MSRA: variants seen among roughly 807,000 people sequenced by gnomAD.
MSRA encodes methionine sulfoxide reductase A.
Under a neutral mutation model 31.3 loss-of-function variants are expected in MSRA, and 54 were observed. That is an observed-to-expected ratio of 1.73 (90% confidence interval 1.39 to 2.17). The LOEUF is 2.17. MSRA is among the 30% of genes most tolerant of loss of function. The pLI is 0.00. For synonymous variants in MSRA, 169 were observed against 116.5 expected (o/e 1.45, Z -2.90); for missense variants, 507 against 300.9 (o/e 1.69, Z -5.07).
rs111950206 is a variant in MSRA at position 10,320,068 on chromosome 8, C to A, written c.543+79C>A. 2.5e-5 allele frequency: 21 copies of A among 840,862 alleles called. No individual in the cohort carries two copies. The African/African-American group carries it at 2.8e-4, about 11-fold the overall frequency. The allele number at this position is 840,862 out of a possible 1,614,324, so 52.1% of individuals were successfully genotyped here. A position where few individuals can be genotyped will look rare whatever the true frequency, so the allele number is the denominator to read the frequency against. On this transcript the variant is annotated intron_variant, in intron 5 of 5. Transcript: ENST00000317173. ...GGTTCTGATTTTAGAGGGCAGTCTG[C>A]TGCTTTTCAACTGGAATTGTGTTTT...
rs187484535 is a variant in MSRA, at chr8:10,115,627, C to T, written c.142+60969C>T. On this transcript the variant is annotated intron_variant, in intron 1 of 5. Transcript: ENST00000317173. ...TGGAGAGAGTGGTCAGAACCAGTGG[C>T]GCTTTCTAAAAGATTGATGCCATGA... Among the ~76,000 whole-genome samples, 19 of 152,244 alleles carry T rather than the reference C, an allele frequency of 1.2e-4. No homozygotes were observed. The East Asian group carries it at 2.7e-3, about 22-fold the overall frequency.
At chr8:10,362,733 C>G (rs913424566) in intron 5 of MSRA, among the ~76,000 whole-genome samples, 1 of 152,082 alleles carries the variant, frequency 6.6e-6, no homozygotes, top group African/African-American at 2.4e-5. Context: ...GCTGAAAAAT[C>G]AAGCTCGAGC....
At chr8:10,094,929 C>G (rs1043531361) in intron 1 of MSRA, among the ~76,000 whole-genome samples, 1 of 152,118 alleles carries the variant, frequency 6.6e-6, no homozygotes, top group Non-Finnish European at 1.5e-5. Context: ...TTTGTTTTAT[C>G]AAAAGAACTC....
chr8:10,399,252 A>C (rs535756473), intron 5 of MSRA, among the ~76,000 whole-genome samples: 1 of 152,324 alleles, frequency 6.6e-6, no homozygotes, highest in Non-Finnish European at 1.5e-5. Context: ...GGAGAAATGG[A>C]CAAGAGAGCA....
chr8:10,208,706 C>G (rs182504375), intron 2 of MSRA, among the ~76,000 whole-genome samples: 6 of 152,266 alleles, frequency 3.9e-5, no homozygotes, highest in Non-Finnish European at 7.4e-5. Context: ...GGAATTTCAA[C>G]TGGGCATTCA....
chr8:10,163,791 C>G lies in MSRA; in HGVS notation c.143-44042C>G, dbSNP rs770544767. 3.9e-5 allele frequency among the ~76,000 whole-genome samples: 6 copies of G among 152,358 alleles called. No individual in the cohort carries two copies. The South Asian group carries it at 8.3e-4, about 21-fold the overall frequency. On this transcript the variant is annotated intron_variant, in intron 1 of 5. Coordinates refer to ENST00000317173, the MANE Select transcript of MSRA (RefSeq NM_012331.5). Reference sequence around the variant, plus strand: ...GGGGTAAGACCCTCCAAGGGGGCCACAGGCCCTACCCAGATGGACACCGCA... The same window carrying G: ...GGGGTAAGACCCTCCAAGGGGGCCAGAGGCCCTACCCAGATGGACACCGCA...
chr8:10,146,803 G>A (rs555861893), intron 1 of MSRA, among the ~76,000 whole-genome samples: 2 of 152,314 alleles, frequency 1.3e-5, no homozygotes, highest in Admixed American at 6.5e-5. Flanking sequence ...TGGAGCAGAC[G>A]CTGGACATAG....
At chr8:10,365,324 A>G (rs1263478176) in intron 5 of MSRA, among the ~76,000 whole-genome samples, 1 of 152,022 alleles carries the variant, frequency 6.6e-6, no homozygotes, top group African/African-American at 2.4e-5. Context: ...GCTGCTCTGA[A>G]CTTCCAACAT....
At chr8:10,381,035 G>T (rs1806038365) in intron 5 of MSRA, among the ~76,000 whole-genome samples, 1 of 151,932 alleles carries the variant, frequency 6.6e-6, no homozygotes, top group Non-Finnish European at 1.5e-5. Context: ...TGGATGGATG[G>T]ATAAATGATG....
chr8:10,232,122 G>C (rs1351923791), intron 2 of MSRA, among the ~76,000 whole-genome samples: 1 of 152,120 alleles, frequency 6.6e-6, no homozygotes, highest in Non-Finnish European at 1.5e-5. Context: ...GGCTGCCCTG[G>C]AAATTGTTGT....
chr8:10,149,191 G>A (rs1359280972), intron 1 of MSRA, among the ~76,000 whole-genome samples: 3 of 151,574 alleles, frequency 2.0e-5, no homozygotes, highest in Non-Finnish European at 2.9e-5. Flanking sequence ...GCACAGTCTC[G>A]GCTCACTGCA....
intron 1 of MSRA, among the ~76,000 whole-genome samples, chr8:10,200,378 G>T (rs997157017): frequency 1.3e-5 from 2 of 152,206 alleles, no homozygotes; most frequent in Non-Finnish European, 2.9e-5. Flanking sequence ...TGGTCACCAT[G>T]GGGGAGAGCA....
intron 5 of MSRA, among the ~76,000 whole-genome samples, chr8:10,408,398 C>T (rs1056282233): frequency 5.6e-4 from 85 of 152,086 alleles, no homozygotes; most frequent in African/African-American, 2.0e-3. Flanking sequence ...AAAAATTAGC[C>T]AGGCATGGTG....
intron 5 of MSRA, among the ~76,000 whole-genome samples, chr8:10,349,048 G>C (rs1195835653): frequency 1.3e-5 from 2 of 152,112 alleles, no homozygotes; most frequent in Admixed American, 1.3e-4. Flanking sequence ...GGAATAAAAA[G>C]AATGCCGACA....
At chr8:10,364,662 G>A (rs1805053885) in intron 5 of MSRA, among the ~76,000 whole-genome samples, 1 of 152,252 alleles carries the variant, frequency 6.6e-6, no homozygotes, top group Non-Finnish European at 1.5e-5. Context: ...TTCTTGAAAA[G>A]CATTGTGTAT....
intron 1 of MSRA, among the ~76,000 whole-genome samples, chr8:10,129,055 C>G (rs916120851): frequency 6.6e-6 from 1 of 152,216 alleles, no homozygotes; most frequent in Non-Finnish European, 1.5e-5. Context: ...GGTATCTCAA[C>G]TCTTCGCAGT....
rs1185886663 is a variant in MSRA at position 10,428,287 on chromosome 8, C to T, written c.683C>T (p.Ser228Phe). 7 of 1,613,904 alleles carry T rather than the reference C, an allele frequency of 4.3e-6. No homozygotes were observed. The highest frequency in any genetic ancestry group is 1.1e-5 in the South Asian group (1 of 90,978). Residue 228 changes from serine (S) to phenylalanine (F), a missense_variant, in exon 6 of 6, where the codon TCC becomes TTC. By Grantham distance (155) the Ser-to-Phe change is radical. Coordinates refer to ENST00000317173, the MANE Select transcript of MSRA (RefSeq NM_012331.5). The part of the protein sequence containing the change: ...GYCGLGGTGV[S>F]CPVGIKK The stretch of plus-strand genomic sequence containing the variant: ...TGCGGCCTTGGGGGCACCGGCGTGT[C>T]CTGCCCAGTGGGTATTAAAAAATAA...
chr8:10,354,070 G>A (rs1239648864), intron 5 of MSRA: 3 of 152,734 alleles, frequency 2.0e-5, no homozygotes, highest in Non-Finnish European at 4.4e-5. Context: ...CTCCTTCACT[G>A]TTTTCAGTGT....
intron 5 of MSRA, among the ~76,000 whole-genome samples, chr8:10,421,931 C>G (rs1808838417): frequency 6.6e-6 from 1 of 152,164 alleles, no homozygotes; most frequent in Non-Finnish European, 1.5e-5. Flanking sequence ...GGCAGGCTAG[C>G]TTTCACCCCT....
Sources: allele counts gnomAD v4.1 joint callset (sites outside exome capture counted in the v4.1 genomes callset), GRCh38; gene constraint gnomAD v4.1.1; transcripts MANE v1.5; gene names NCBI Gene and HGNC (gene_info 2026-07-23, HGNC 2026-07-21).